Variants in ADGRG2 observed in about 807,000 individuals in gnomAD.
ADGRG2 encodes G protein-coupled receptor 64.
ADGRG2 carries 26 observed loss-of-function variants against 74.1 expected under a neutral mutation model. The observed-to-expected ratio is 0.35, with a 90% CI of 0.26 to 0.49. The LOEUF is 0.49. ADGRG2 is among the 20% of genes least tolerant of loss of function. The probability of loss-of-function intolerance (pLI) is 0.99; values close to 1 mark genes in which losing one functional copy is unlikely to be tolerated. For synonymous variants in ADGRG2, 296 were observed against 295.2 expected (o/e 1.00, Z -0.03); for missense variants, 619 against 763.1 (o/e 0.81, Z 2.22).
intron 3 of ADGRG2, among the ~76,000 whole-genome samples, chrX:19,060,003 G>A (rs974859672): frequency 9.0e-6 from 1 of 111,621 alleles, no homozygotes; most frequent in Non-Finnish European, 1.9e-5. Context: ...GTGGTGCCGC[G>A]AGCCTGTAAT....
chrX:19,002,208 T>C (rs946356107), intron 24 of ADGRG2, among the ~76,000 whole-genome samples: 8 of 110,318 alleles, frequency 7.3e-5, no homozygotes, highest in Admixed American at 9.8e-5. Flanking sequence ...TTATCTTTAG[T>C]CAAGGATAAG....
intron 13 of ADGRG2, among the ~76,000 whole-genome samples, chrX:19,022,353 G>A (rs1432029281): frequency 9.0e-6 from 1 of 111,666 alleles, no homozygotes; most frequent in Non-Finnish European, 1.9e-5. Flanking sequence ...TTCTACTTTA[G>A]CCTTGGTTTA....
At chrX:19,005,731 T>G (rs2060217749) in intron 22 of ADGRG2, among the ~76,000 whole-genome samples, 2 of 111,206 alleles carry the variant, frequency 1.8e-5, no homozygotes, top group South Asian at 7.5e-4. Flanking sequence ...TTTTGTATTT[T>G]TAGTAGAGAC....
intron 3 of ADGRG2, among the ~76,000 whole-genome samples, chrX:19,054,054 T>A (rs2146838717): frequency 8.9e-6 from 1 of 111,980 alleles, no homozygotes; most frequent in Non-Finnish European, 1.9e-5. Context: ...CAAGATGAGA[T>A]TTGGGTGGGA....
rs1405407479 is a variant in ADGRG2, at chrX:19,014,079, A to G, written c.711-5T>C. ...ACAATGGGATCCTGCAGGTCACTAA[A>G]GGAACAAATCAGAGAGATACATGTG... is the stretch of plus-strand genomic sequence containing the variant. On this transcript the variant is annotated splice_polypyrimidine_tract_variant and splice_region_variant and intron_variant, in intron 15 of 28. Transcript: ENST00000379869. 1 of 1,184,131 alleles carries G rather than the reference A, an allele frequency of 8.4e-7. No homozygotes were observed. The highest frequency in any genetic ancestry group is 1.8e-5 in the African/African-American group (1 of 56,437).
intron 26 of ADGRG2, 35 bp downstream of exon 26, chrX:18,998,961 A>T (rs746657911): frequency 9.3e-7 from 1 of 1,072,518 alleles, no homozygotes; most frequent in East Asian, 3.0e-5. Context: ...TTCAACTGGG[A>T]TCATTCAGTT....
At chrX:19,118,304 T>C (rs1017965913) in intron 1 of ADGRG2, among the ~76,000 whole-genome samples, 5 of 112,538 alleles carry the variant, frequency 4.4e-5, no homozygotes, top group Non-Finnish European at 9.4e-5. Flanking sequence ...GTAAGATAAA[T>C]GTACAGAAAA....
chrX:19,065,499 C>T (rs1442821091), intron 3 of ADGRG2, among the ~76,000 whole-genome samples: 2 of 111,165 alleles, frequency 1.8e-5, no homozygotes. Flanking sequence ...CAGCTTTTCC[C>T]TACTTAGGTT....
rs112906116 is a variant in ADGRG2 at position 19,027,261 on chromosome X, G to A, written c.428C>T (p.Thr143Met). 16 of 1,117,072 alleles carry A rather than the reference G, an allele frequency of 1.4e-5. No homozygotes were observed. In the Middle Eastern group the frequency reaches 7.4e-4, roughly 51 times the overall value. The allele number at this position is 1,117,072 out of a possible 1,213,427, so 92.1% of individuals were successfully genotyped here. ...CAGGACTCCAGTTAAGGTGCCATTCGTTATATGTTGATTCTGTTAGAAGCA... is the reference window on the plus strand; with the variant it reads ...CAGGACTCCAGTTAAGGTGCCATTCATTATATGTTGATTCTGTTAGAAGCA... Reference protein sequence around the residue: ...ESTVPQNQHITNGTLTGVLSL... With the variant: ...ESTVPQNQHIMNGTLTGVLSL... Residue 143 changes from threonine to methionine, a missense_variant, in exon 11 of 29, where the codon ACG (threonine) becomes ATG (methionine). Thr to Met is a moderately conservative substitution (Grantham distance 81). This residue lies in a region of ADGRG2 where 292 missense variants were observed against 318.0 expected (regional missense o/e 0.92). Transcript: ENST00000379869.
At chrX:19,061,415 T>A (rs147984434) in intron 3 of ADGRG2, among the ~76,000 whole-genome samples, 104 of 112,108 alleles carry the variant, frequency 9.3e-4, no homozygotes, top group African/African-American at 3.2e-3. Context: ...TCTACATACC[T>A]GAAAAGATAA....
intron 1 of ADGRG2, among the ~76,000 whole-genome samples, chrX:19,094,183 G>A (rs1363454374): frequency 9.0e-6 from 1 of 111,104 alleles, no homozygotes; most frequent in Admixed American, 9.6e-5. Context: ...ACAGAGTATG[G>A]ATAGATGGAC....
intron 17 of ADGRG2, 73 bp downstream of exon 17, chrX:19,010,540 A>G: frequency 2.3e-6 from 2 of 860,864 alleles, no homozygotes; most frequent in Non-Finnish European, 3.3e-6. Flanking sequence ...ACTTGGTGAT[A>G]TTAATCATGT....
intron 3 of ADGRG2, among the ~76,000 whole-genome samples, chrX:19,063,578 G>C (rs1053927381): frequency 8.9e-6 from 1 of 112,568 alleles, no homozygotes; most frequent in East Asian, 2.8e-4. Context: ...TAAAGCACCT[G>C]GAAGAGTGGC....
At chrX:19,100,750 GA>G (rs1247726097) in intron 1 of ADGRG2, among the ~76,000 whole-genome samples, 1 of 113,274 alleles carries the variant, frequency 8.8e-6, no homozygotes, top group Non-Finnish European at 1.9e-5. Context: ...TATGTGAAAA[GA>G]ATGCATGGCT....
Position 19,013,724 on chromosome X carries a change from G to T in ADGRG2, c.1061C>A (p.Ala354Glu). Reference protein sequence around the residue: ...SFSSPTVSAPANVNTTSAPPV... With the variant: ...SFSSPTVSAPENVNTTSAPPV... The stretch of plus-strand genomic sequence containing the variant: ...AGGTGCGCTGGTAGTGTTGACATTC[G>T]CAGGGGCAGACACGGTGGGAGAGGA... Residue 354 changes from alanine (A) to glutamate (E), a missense_variant, in exon 16 of 29, where the codon GCG becomes GAG. Around this residue, in one of 3 missense-constraint regions of ADGRG2, gnomAD observed 292 missense variants for 318.0 expected, o/e 0.92. Coordinates refer to ENST00000379869, the MANE Select transcript of ADGRG2 (RefSeq NM_001079858.3). The T allele has an allele frequency of 8.3e-7, 1 of 1,200,066 alleles. No homozygotes were observed. Among genetic ancestry groups the T allele is most frequent in the South Asian group, 1.8e-5 (1 of 54,530 alleles).
At chrX:19,000,436 C>T (rs889675475) in intron 24 of ADGRG2, among the ~76,000 whole-genome samples, 1 of 112,066 alleles carries the variant, frequency 8.9e-6, no homozygotes, top group Admixed American at 9.4e-5. Flanking sequence ...TGCTCCCAGC[C>T]TCCCAGGCAG....
At chrX:19,032,136 T>A (rs1335210909) in intron 8 of ADGRG2, 1 of 111,899 alleles carries the variant, frequency 8.9e-6, no homozygotes, top group Non-Finnish European at 1.9e-5. Flanking sequence ...AGTTAGTGCA[T>A]GTGATATGCT....
intron 18 of ADGRG2, among the ~76,000 whole-genome samples, chrX:19,009,181 T>TG (rs1374582041): frequency 2.0e-5 from 2 of 97,700 alleles, no homozygotes; most frequent in African/African-American, 7.5e-5. Context: ...GACCAACGTC[T>TG]TTTTTTTTTT....
At chrX:19,102,982 G>C (rs1397171003) in intron 1 of ADGRG2, among the ~76,000 whole-genome samples, 1 of 111,558 alleles carries the variant, frequency 9.0e-6, no homozygotes, top group Non-Finnish European at 1.9e-5. Context: ...AGGCATTTGA[G>C]CCAGAGTGAC....
Sources: gnomAD v4.1 joint callset for allele counts (sites outside exome capture counted in the v4.1 genomes callset) on GRCh38, gnomAD v4.1.1 for gene constraint, gnomAD v4.1.1 regional missense constraint, MANE v1.5 for transcripts, NCBI Gene and HGNC (gene_info 2026-07-23, HGNC 2026-07-21) for gene names.